Variants in GPHN observed in about 807,000 individuals in gnomAD.
The protein encoded by GPHN is gephyrin.
A neutral mutation model predicts 95.5 loss-of-function variants in GPHN; 17 were observed. The observed-to-expected ratio is 0.18, with a 90% confidence interval of 0.12 to 0.27. GPHN has a LOEUF of 0.27. Among genes scored for constraint, GPHN ranks in the 10% least tolerant of loss-of-function variants. The probability of loss-of-function intolerance (pLI) is 1.00; values close to 1 mark genes in which losing one functional copy is unlikely to be tolerated. For synonymous variants in GPHN, 320 were observed against 322.5 expected (o/e 0.99, Z 0.08); for missense variants, 660 against 978.1 (o/e 0.67, Z 4.34).
intron 3 of GPHN, among the ~76,000 whole-genome samples, chr14:66,805,120 G>A (rs1035183791): frequency 1.1e-4 from 16 of 152,170 alleles, no homozygotes; most frequent in African/African-American, 3.9e-4. Context: ...GGCTGGGGAG[G>A]CCTCACAATC....
Position 66,709,940 on chromosome 14 carries a change from AG to A in GPHN, c.143+28756del, listed in dbSNP as rs2069457409. 5.3e-5 allele frequency among the ~76,000 whole-genome samples: 8 copies of A among 152,074 alleles called. No individual in the cohort carries two copies. The South Asian group carries it at 1.7e-3, about 32-fold the overall frequency. Reference sequence around the variant, plus strand: ...AAGTTGATGCCATTAAAAAAAAAAAAGAATAGAAGTTGTTTGTGAAATAATG... The same window carrying A: ...AAGTTGATGCCATTAAAAAAAAAAAAAATAGAAGTTGTTTGTGAAATAATG... On this transcript the variant is annotated intron_variant, in intron 2 of 22. Coordinates refer to ENST00000478722, the MANE Select transcript of GPHN (RefSeq NM_020806.5).
At chr14:67,252,830 C>G in the GPHN span, among the ~76,000 whole-genome samples, 3 of 152,300 alleles carry the variant, frequency 2.0e-5, no homozygotes, top group South Asian at 6.2e-4. Flanking sequence ...AGAGACTGTT[C>G]TGTTCTAGTC....
the GPHN span, among the ~76,000 whole-genome samples, chr14:67,267,387 T>G: frequency 2.0e-5 from 3 of 151,986 alleles, no homozygotes; most frequent in African/African-American, 7.2e-5. Flanking sequence ...CCCTCCCAAG[T>G]AGCTGGGATT....
chr14:66,878,605 A>T (rs2063781578), intron 4 of GPHN, among the ~76,000 whole-genome samples: 1 of 152,200 alleles, frequency 6.6e-6, no homozygotes, highest in Non-Finnish European at 1.5e-5. Context: ...CAACAAACAT[A>T]TGTAAAAAAG....
At chr14:67,569,879 G>A in the GPHN span, 1 of 1,309,602 alleles carries the variant, frequency 7.6e-7, no homozygotes, top group South Asian at 1.2e-5. Flanking sequence ...CCCTTCCTGG[G>A]TTATGCCCTT....
chr14:67,224,887 G>A, the GPHN span: 1 of 383,298 alleles, frequency 2.6e-6, no homozygotes, highest in Non-Finnish European at 4.6e-6. Flanking sequence ...AAAAAGGAGG[G>A]AGCCCTCTAA....
At chr14:67,511,378 G>C in the GPHN span, among the ~76,000 whole-genome samples, 2 of 152,160 alleles carry the variant, frequency 1.3e-5, no homozygotes, top group South Asian at 2.1e-4. Flanking sequence ...AAACTGTCAT[G>C]CTTCTAGAAG....
chr14:67,706,892 A>G, the GPHN span, among the ~76,000 whole-genome samples: 2 of 152,198 alleles, frequency 1.3e-5, no homozygotes, highest in Non-Finnish European at 2.9e-5. Flanking sequence ...AGTTATTAGC[A>G]AAGCTCATTT....
chr14:67,175,398 T>C (rs542611446), intron 21 of GPHN, among the ~76,000 whole-genome samples: 8 of 152,074 alleles, frequency 5.3e-5, no homozygotes, highest in Non-Finnish European at 8.8e-5. Context: ...AGATGTGTGG[T>C]ATTATTTCTG....
rs1445934115 is a variant in GPHN at position 66,756,507 on chromosome 14, A to G, written c.144-19957A>G. Among the ~76,000 whole-genome samples, 2 of 152,082 alleles carry G rather than the reference A, an allele frequency of 1.3e-5. 1 individual carries two copies. Among genetic ancestry groups the G allele is most frequent in the Admixed American group, 1.3e-4 (2 of 15,272 alleles). ...TGTATCCACGGTGGTCCTGGAACCAATCCTCCATGGATATGGAGAGTCAAC... is the reference window on the plus strand; with the variant it reads ...TGTATCCACGGTGGTCCTGGAACCAGTCCTCCATGGATATGGAGAGTCAAC... On this transcript the variant is annotated intron_variant, in intron 2 of 22. Transcript: ENST00000478722.
chr14:67,348,675 C>T, the GPHN span, among the ~76,000 whole-genome samples: 1 of 150,398 alleles, frequency 6.6e-6, no homozygotes, highest in Non-Finnish European at 1.5e-5. Flanking sequence ...GCGCGTGCCA[C>T]CAAACCTGGC....
chr14:66,924,426 G>A (rs2066374466), intron 8 of GPHN, 134 bp downstream of exon 8: 3 of 697,742 alleles, frequency 4.3e-6, no homozygotes, highest in South Asian at 1.5e-5. Flanking sequence ...TCTTGTGAAA[G>A]TGTGAGTGCC....
the GPHN span, chr14:67,412,003 T>C: frequency 6.9e-5 from 106 of 1,544,272 alleles, no homozygotes; most frequent in Non-Finnish European, 9.0e-5. Flanking sequence ...GTCCCGAAGC[T>C]CGACGCGCAC....
At chr14:66,572,112 A>C (rs1044111587) in intron 1 of GPHN, among the ~76,000 whole-genome samples, 1 of 152,210 alleles carries the variant, frequency 6.6e-6, no homozygotes, top group Admixed American at 6.5e-5. Context: ...CTATTTGTCT[A>C]TGTGCCTGTT....
chr14:67,204,992 C>T, the GPHN span: 2 of 1,567,094 alleles, frequency 1.3e-6, no homozygotes, highest in South Asian at 2.3e-5. Flanking sequence ...GTCAGAGAAG[C>T]CACGGAAGTC....
the GPHN span, among the ~76,000 whole-genome samples, chr14:67,411,091 G>A: frequency 2.8e-5 from 4 of 145,102 alleles, no homozygotes; most frequent in South Asian, 2.2e-4. Context: ...AGGCTGTGGT[G>A]AGCCAGGATT....
chr14:66,686,688 A>G (rs940286993), intron 2 of GPHN, among the ~76,000 whole-genome samples: 2 of 152,210 alleles, frequency 1.3e-5, no homozygotes, highest in African/African-American at 4.8e-5. Flanking sequence ...CAATCATGTC[A>G]TGTGCAAACA....
the GPHN span, chr14:67,337,517 A>C: frequency 1.7e-5 from 2 of 116,650 alleles, 1 homozygote; most frequent in South Asian, 4.8e-4. Context: ...ACTCTGTTTC[A>C]AAAAAAAAAA....
chr14:66,722,358 T>C (rs1249084381), intron 2 of GPHN, among the ~76,000 whole-genome samples: 1 of 152,178 alleles, frequency 6.6e-6, no homozygotes, highest in Non-Finnish European at 1.5e-5. Context: ...AGCAGACAGG[T>C]AATCCAAGAA....
Sources: allele counts gnomAD v4.1 joint callset (sites outside exome capture counted in the v4.1 genomes callset), GRCh38; gene constraint gnomAD v4.1.1; transcripts MANE v1.5; gene names NCBI Gene and HGNC (gene_info 2026-07-23, HGNC 2026-07-21).